Variants in EHMT1 observed in about 807,000 individuals in gnomAD.
EHMT1 encodes euchromatic histone lysine methyltransferase 1, also known as histone-lysine N-methyltransferase EHMT1.
In EHMT1, 15 loss-of-function variants were observed where a neutral mutation model predicts 147.2. The ratio of observed to expected loss-of-function variants is 0.10; its 90% CI spans 0.07 to 0.16. The LOEUF (loss-of-function observed/expected upper bound fraction) is 0.16. Ranked by LOEUF, EHMT1 falls within the 10% of genes least tolerant of loss-of-function variation. EHMT1 has a pLI of 1.00. For synonymous variants in EHMT1, 795 were observed against 709.6 expected, an observed-to-expected ratio of 1.12 and a Z score of -1.91; for missense variants, 1,587 against 1,772.4, an observed-to-expected ratio of 0.90 and a Z score of 1.88.
intron 1 of EHMT1, among the ~76,000 whole-genome samples, chr9:137,635,279 T>C (rs1031217477): frequency 6.6e-6 from 1 of 151,714 alleles, no homozygotes; most frequent in Non-Finnish European, 1.5e-5. Flanking sequence ...TGATCTCGGG[T>C]CACTGCAACC....
In EHMT1 at chr9:137,814,212, C is replaced by T. The variant is rs533019988; in HGVS notation, c.3181-219C>T. ...CGTCGCTGCCCTGCCTGCCCCCTGT[C>T]CCTCTGTCAGGGTCCTCAGCCAGAG... On this transcript the variant is annotated intron_variant, in intron 21 of 26. Coordinates refer to ENST00000460843, the MANE Select transcript of EHMT1 (RefSeq NM_024757.5). 160 of 638,044 alleles carry T rather than the reference C, an allele frequency of 2.5e-4. 1 individual carries two copies. The highest frequency in any genetic ancestry group is 1.0e-3 in the African/African-American group (57 of 55,804). The allele number at this position is 638,044 out of a possible 1,614,324, so 39.5% of individuals were successfully genotyped here.
At chr9:137,676,888 A>AT (rs35944506) in intron 1 of EHMT1, among the ~76,000 whole-genome samples, 24 of 149,298 alleles carry the variant, frequency 1.6e-4, no homozygotes, top group South Asian at 8.4e-4. Flanking sequence ...TTTGCTGAGA[A>AT]TTTTTTTTTT....
rs375271697 is a variant in EHMT1 at position 137,834,528 on chromosome 9, C to T, written c.3716+4C>T. The stretch of plus-strand genomic sequence containing the variant: ...TCGAGGCCGGCGAGCAGCTCGGGTA[C>T]GCACCGCCCCGGCCCCTGGCCATCT... On this transcript the variant is annotated splice_donor_region_variant and intron_variant, in intron 26 of 26. Transcript: ENST00000460843. 223 of 1,609,584 alleles carry T rather than the reference C, an allele frequency of 1.4e-4. 1 individual carries two copies. In the East Asian group the frequency reaches 4.1e-3, roughly 30 times the overall value.
intron 1 of EHMT1, among the ~76,000 whole-genome samples, chr9:137,650,427 A>T (rs1359119730): frequency 6.6e-6 from 1 of 152,114 alleles, no homozygotes; most frequent in East Asian, 1.9e-4. Context: ...TTTTAAAATT[A>T]TAGCCAAACT....
Position 137,812,357 on chromosome 9 carries a change from A to C in EHMT1, c.2868-649A>C, listed in dbSNP as rs189474058. Among the ~76,000 whole-genome samples, 459 of 140,396 alleles carry C rather than the reference A, an allele frequency of 3.3e-3. 5 individuals are homozygous for C. The highest frequency in any genetic ancestry group is 0.014 in the African/African-American group (439 of 30,416). The allele number at this position is 140,396 out of a possible 152,430, so 92.1% of individuals were successfully genotyped here. A position where few individuals can be genotyped will look rare whatever the true frequency, so the allele number is the denominator to read the frequency against. ...CTGTCTCAAAAAAAACCCAAAAAAC[A>C]AAAAAAGCTTGAGACCTTGATCCCA... On this transcript the variant is annotated intron_variant, in intron 19 of 26. Coordinates refer to ENST00000460843, the MANE Select transcript of EHMT1 (RefSeq NM_024757.5).
In EHMT1 at chr9:137,635,577, T is replaced by G. The variant is rs545459874; in HGVS notation, c.21+16528T>G. Among the ~76,000 whole-genome samples the G allele has an allele frequency of 4.0e-5, 6 of 150,870 alleles. No homozygotes were observed. In the South Asian group the frequency reaches 8.6e-4, roughly 22 times the overall value. ...GGCTCACGCCTGTAATCCCAGCACT[T>G]TGGGAGGCCGAGGTGGGTGGATCAC... On this transcript the variant is annotated intron_variant, in intron 1 of 26. Coordinates refer to ENST00000460843, the MANE Select transcript of EHMT1 (RefSeq NM_024757.5).
At chr9:137,647,973 A>T (rs771649206) in intron 1 of EHMT1, among the ~76,000 whole-genome samples, 38 of 152,090 alleles carry the variant, frequency 2.5e-4, no homozygotes, top group Non-Finnish European at 5.1e-4. Flanking sequence ...CATTGACTGT[A>T]TGCTGGGAAA....
At position 137,724,776 on chromosome 9, in the gene EHMT1, GC is replaced by G. The variant is rs369588924; in HGVS notation, c.643-3572del. Among the ~76,000 whole-genome samples, 17 of 152,288 alleles carry G rather than the reference GC, an allele frequency of 1.1e-4. No homozygotes were observed. The East Asian group carries it at 3.3e-3, about 29-fold the overall frequency. ...GCTTCACTGCAGTCAAACCTGGTGT[GC>G]TGGAGAAAGACCAAGAAACGTTATA... is the stretch of plus-strand genomic sequence containing the variant. On this transcript the variant is annotated intron_variant, in intron 3 of 26. Transcript: ENST00000460843.
At chr9:137,703,837 A>G (rs1027060479) in intron 1 of EHMT1, among the ~76,000 whole-genome samples, 9 of 152,054 alleles carry the variant, frequency 5.9e-5, no homozygotes, top group African/African-American at 1.9e-4. Flanking sequence ...GCAATGCCCT[A>G]CTTCTCCAGT....
chr9:137,746,583 A>T (rs1445191402), intron 6 of EHMT1: 1 of 152,226 alleles, frequency 6.6e-6, no homozygotes, highest in Non-Finnish European at 1.5e-5. Flanking sequence ...TCATTCTTGT[A>T]TATAAATATT....
chr9:137,812,906 C>G, intron 19 of EHMT1, 100 bp from the exon 20 acceptor site: 2 of 1,487,528 alleles, frequency 1.3e-6, no homozygotes, highest in Non-Finnish European at 9.3e-7. Flanking sequence ...GAATAGTGTT[C>G]CCTTTATTGT....
intron 12 of EHMT1, 117 bp from the exon 13 acceptor site, chr9:137,777,765 C>CG (rs1951067111): frequency 9.0e-6 from 13 of 1,437,334 alleles, no homozygotes; most frequent in African/African-American, 1.4e-5. Flanking sequence ...AGGGACTAAG[C>CG]GGACAGTAAG....
chr9:137,803,235 G>A (rs1347386339), intron 18 of EHMT1: 1 of 1,106,722 alleles, frequency 9.0e-7, no homozygotes, highest in Admixed American at 5.1e-5. Context: ...CTTTATTGCT[G>A]TATAATAGGT....
At chr9:137,819,617 G>T (rs570633541) in intron 25 of EHMT1, among the ~76,000 whole-genome samples, 1 of 131,834 alleles carries the variant, frequency 7.6e-6, no homozygotes, top group South Asian at 2.4e-4. Flanking sequence ...GAGGCCGATT[G>T]AGGGGCGCCG....
At chr9:137,715,596 T>TG (rs1945137942) in intron 2 of EHMT1, 1 of 985,426 alleles carries the variant, frequency 1.0e-6, no homozygotes, top group East Asian at 1.1e-4. Flanking sequence ...CACCTAGCGA[T>TG]GCCATCGCAG....
chr9:137,643,115 T>C (rs2133837914), intron 1 of EHMT1, among the ~76,000 whole-genome samples: 1 of 152,144 alleles, frequency 6.6e-6, no homozygotes, highest in East Asian at 1.9e-4. Context: ...ACTCCTGGTC[T>C]TAGAAGATCC....
At chr9:137,627,617 G>A (rs939538982) in intron 1 of EHMT1, among the ~76,000 whole-genome samples, 3 of 152,068 alleles carry the variant, frequency 2.0e-5, no homozygotes, top group African/African-American at 7.2e-5. Context: ...GAGCCGCCGC[G>A]CCCGGCCCTT....
chr9:137,783,100 C>T (rs893595067), intron 15 of EHMT1, among the ~76,000 whole-genome samples: 1 of 152,198 alleles, frequency 6.6e-6, no homozygotes, highest in African/African-American at 2.4e-5. Flanking sequence ...GAAGTTGTAC[C>T]TCATTGTAAT....
rs534567888 is a variant in EHMT1, at chr9:137,824,275, TTG to T, written c.3540+6141_3540+6142del. ...GTTTGAAGTAAGGATTGAGGTTCAC[TTG>T]TGTCCATGTGGACAGTTAATCCAGC... On this transcript the variant is annotated intron_variant, in intron 25 of 26. Coordinates refer to ENST00000460843, the MANE Select transcript of EHMT1 (RefSeq NM_024757.5). Among the ~76,000 whole-genome samples the T allele has an allele frequency of 2.8e-4, 42 of 152,274 alleles. 2 individuals are homozygous for T. In the South Asian group the frequency reaches 8.5e-3, roughly 31 times the overall value.
Sources: allele counts gnomAD v4.1 joint callset (sites outside exome capture counted in the v4.1 genomes callset), GRCh38; gene constraint gnomAD v4.1.1; transcripts MANE v1.5; gene names NCBI Gene and HGNC (gene_info 2026-07-23, HGNC 2026-07-21).